The following RYR3 variants were observed in gnomAD, a reference collection of about 807,000 sequenced individuals.
RYR3 encodes brain ryanodine receptor-calcium release channel.
RYR3 carries 207 observed loss-of-function variants against 584.3 expected under a neutral mutation model. That is an observed-to-expected ratio of 0.35 (90% confidence interval 0.32 to 0.40). The LOEUF is 0.40. Among genes scored for constraint, RYR3 ranks in the 10% least tolerant of loss-of-function variants. The probability of loss-of-function intolerance (pLI) is 1.00; values close to 1 mark genes in which losing one functional copy is unlikely to be tolerated. For synonymous variants in RYR3, 2,416 were observed against 2,248.5 expected, an observed-to-expected ratio of 1.07 and a Z score of -2.11; for missense variants, 5,616 against 6,089.2, an observed-to-expected ratio of 0.92 and a Z score of 2.59.
chr15:33,450,989 C>T (rs756985750), intron 1 of RYR3, among the ~76,000 whole-genome samples: 20 of 152,248 alleles, frequency 1.3e-4, no homozygotes, highest in Non-Finnish European at 2.2e-4. Flanking sequence ...CTGGAGACTC[C>T]TTGCAGCACC....
chr15:33,819,798 G>A lies in RYR3; in HGVS notation c.10749G>A (p.Met3583Ile), dbSNP rs745440311. The A allele has an allele frequency of 1.0e-5, 16 of 1,588,668 alleles. No individual in the cohort carries two copies. In the Middle Eastern group the frequency reaches 5.0e-4, roughly 50 times the overall value. Residue 3583 changes from methionine to isoleucine, a missense_variant, in exon 77 of 104, where the codon ATG becomes ATA. Met to Ile is a conservative substitution (Grantham distance 10). This residue lies in a region of RYR3 where 954 missense variants were observed against 1,132.2 expected (regional missense o/e 0.84). Coordinates refer to ENST00000634891, the MANE Select transcript of RYR3 (RefSeq NM_001036.6). Reference protein sequence around the residue: ...DDPLYTSYSSMMAKSCQSGED... With the variant: ...DDPLYTSYSSIMAKSCQSGED... ...CTTTGTACACCTCCTATTCCAGCAT[G>A]ATGGCCAAGGTACACCCAGGTTTTC...
At position 33,652,857 on chromosome 15, in the gene RYR3, G is replaced by A; in HGVS notation, c.4282G>A (p.Gly1428Arg). The change falls in exon 32 of 104, where the codon GGA becomes AGA. Residue 1428 changes from glycine to arginine, a missense_variant. Physicochemically the swap from Gly to Arg is moderately radical, Grantham distance 125. Around this residue, in one of 9 missense-constraint regions of RYR3, gnomAD observed 753 missense variants for 741.0 expected, o/e 1.02. Transcript: ENST00000634891. Reference sequence around the variant, plus strand: ...GGGCATGTTGTCCTTCTCAGCCAATGGAAAGGAACTGGGCACCTGCTACCA... The same window carrying A: ...GGGCATGTTGTCCTTCTCAGCCAATAGAAAGGAACTGGGCACCTGCTACCA... Reference protein sequence around the residue: ...AMGMLSFSANGKELGTCYQVE... With the variant: ...AMGMLSFSANRKELGTCYQVE... 1 of 1,612,904 alleles carries A rather than the reference G, an allele frequency of 6.2e-7. No homozygotes were observed. The highest frequency in any genetic ancestry group is 1.1e-5 in the South Asian group (1 of 90,894).
intron 86 of RYR3, among the ~76,000 whole-genome samples, chr15:33,833,768 G>A (rs1191606484): frequency 6.6e-6 from 1 of 152,178 alleles, no homozygotes; most frequent in East Asian, 1.9e-4. Context: ...CATAAACAGT[G>A]ATTTTTAACA....
intron 57 of RYR3, among the ~76,000 whole-genome samples, chr15:33,754,004 G>C (rs5007830): frequency 0.81 from 122,760 of 152,108 alleles, 49,618 homozygotes; most frequent in Admixed American, 0.85. Flanking sequence ...AATTAGCCAG[G>C]AATGATGGTG....
chr15:33,564,636 A>G (rs934577124), intron 11 of RYR3, among the ~76,000 whole-genome samples: 1 of 152,206 alleles, frequency 6.6e-6, no homozygotes, highest in African/African-American at 2.4e-5. Flanking sequence ...CAGCATTTAA[A>G]GAAAGTGGAA....
intron 2 of RYR3, among the ~76,000 whole-genome samples, chr15:33,498,452 C>T (rs552144914): frequency 2.0e-5 from 3 of 152,166 alleles, no homozygotes; most frequent in East Asian, 3.9e-4. Context: ...TTTCAAATAC[C>T]TATTGCCCAC....
In RYR3 at chr15:33,659,819, C is replaced by G; in HGVS notation, c.4395+13C>G. 2.6e-6 allele frequency: 4 copies of G among 1,550,204 alleles called. No homozygotes were observed. The highest frequency in any genetic ancestry group is 3.6e-6 in the Non-Finnish European group (4 of 1,122,776). Reference sequence around the variant, plus strand: ...TGGAAAGCTGAAGGTATTTATTTGTCCTCTCATCTAATGGCCATGACAAGA... The same window carrying G: ...TGGAAAGCTGAAGGTATTTATTTGTGCTCTCATCTAATGGCCATGACAAGA... On this transcript the variant is annotated intron_variant, in intron 33 of 103. Transcript: ENST00000634891.
In RYR3 at chr15:33,418,324, G is replaced by A. The variant is rs11634277; in HGVS notation, c.52-55095G>A. Among the ~76,000 whole-genome samples, 653 of 149,716 alleles carry A rather than the reference G, an allele frequency of 4.4e-3. 4 individuals are homozygous for A. The highest frequency in any genetic ancestry group is 4.9e-3 in the Non-Finnish European group (330 of 67,562). ...ATCTGGTCCAGGGCTTTTTCTCGTT[G>A]GCAGGTTTTTTTTTTTTATTATTAT... On this transcript the variant is annotated intron_variant, in intron 1 of 103. Coordinates refer to ENST00000634891, the MANE Select transcript of RYR3 (RefSeq NM_001036.6).
At chr15:33,801,321 T>C (rs2163141) in intron 68 of RYR3, among the ~76,000 whole-genome samples, 105,672 of 152,002 alleles carry the variant, frequency 0.7, 37,209 homozygotes, top group East Asian at 0.96. Context: ...AAGTCTCATA[T>C]GTGGCCACCC....
chr15:33,365,961 C>T (rs1975436963), intron 1 of RYR3, among the ~76,000 whole-genome samples: 1 of 151,712 alleles, frequency 6.6e-6, no homozygotes, highest in African/African-American at 2.4e-5. Context: ...TAGTGTTTCA[C>T]ATGTATATCA....
chr15:33,813,598 T>C lies in RYR3; in HGVS notation c.10502+19T>C, dbSNP rs766242036. The stretch of plus-strand genomic sequence containing the variant: ...TGCCCAGGCAAGTATTTTGTCTTTT[T>C]TCCTGGCATGTAAGCCAGCGATGGG... On this transcript the variant is annotated intron_variant, in intron 74 of 103. Coordinates refer to ENST00000634891, the MANE Select transcript of RYR3 (RefSeq NM_001036.6). 1.3e-6 allele frequency: 2 copies of C among 1,596,754 alleles called. No homozygotes were observed. The highest frequency in any genetic ancestry group is 1.7e-6 in the Non-Finnish European group (2 of 1,164,294).
chr15:33,829,797 T>C (rs1487552510), intron 85 of RYR3, among the ~76,000 whole-genome samples: 1 of 151,674 alleles, frequency 6.6e-6, no homozygotes, highest in Admixed American at 6.6e-5. Context: ...AGGTCAAATA[T>C]CAACATTAAC....
intron 2 of RYR3, among the ~76,000 whole-genome samples, chr15:33,494,558 G>A (rs1471675447): frequency 1.3e-5 from 2 of 152,154 alleles, no homozygotes; most frequent in East Asian, 3.8e-4. Flanking sequence ...GAGTCTTTGT[G>A]CTGAAAGTAT....
Position 33,746,079 on chromosome 15 carries a change from A to T in RYR3, c.7911A>T (p.Gly2637=), listed in dbSNP as rs1463859436. The T allele has an allele frequency of 4.4e-6, 7 of 1,595,084 alleles. No homozygotes were observed. The highest frequency in any genetic ancestry group is 1.1e-5 in the South Asian group (1 of 87,138). The change falls in exon 53 of 104, where the codon GGA becomes GGT. Residue 2637 remains glycine, a synonymous_variant. Coordinates refer to ENST00000634891, the MANE Select transcript of RYR3 (RefSeq NM_001036.6). The stretch of plus-strand genomic sequence containing the variant: ...GAACATTTCTACAGAGTCAGAGTGG[A>T]TGGAAATATGGGATTTCCCTGGATG... ...DKWACDKSQS[G]WKYGISLDEN...
chr15:33,333,401 CAAT>C lies in RYR3; in HGVS notation c.51+22308_51+22310del, dbSNP rs556969796. Among the ~76,000 whole-genome samples, 6 of 152,252 alleles carry C rather than the reference CAAT, an allele frequency of 3.9e-5. No homozygotes were observed. The East Asian group carries it at 1.2e-3, about 29-fold the overall frequency. ...ACAAGGTTGGTTTAACAATGCAAAT[CAAT>C]AAATGTGATTCATCACATAAACAGC... On this transcript the variant is annotated intron_variant, in intron 1 of 103. Coordinates refer to ENST00000634891, the MANE Select transcript of RYR3 (RefSeq NM_001036.6).
At chr15:33,789,761 G>T (rs1466455239) in intron 67 of RYR3, among the ~76,000 whole-genome samples, 1 of 122,244 alleles carries the variant, frequency 8.2e-6, no homozygotes, top group Non-Finnish European at 1.6e-5. Context: ...TGCAAGCTCC[G>T]CCTCCTGGGC....
At chr15:33,848,242 C>G in intron 93 of RYR3, 49 bp from the exon 94 acceptor site, 1 of 1,608,422 alleles carries the variant, frequency 6.2e-7, no homozygotes, top group Non-Finnish European at 8.5e-7. Context: ...GGAGCAGGAG[C>G]TTTAATCACA....
chr15:33,755,099 A>G lies in RYR3; in HGVS notation c.8434A>G (p.Met2812Val). 1.2e-6 allele frequency: 2 copies of G among 1,613,304 alleles called. No individual in the cohort carries two copies. The highest frequency in any genetic ancestry group is 1.3e-5 in the African/African-American group (1 of 75,042). Residue 2812 changes from methionine to valine, a missense_variant, in exon 58 of 104, where the codon ATG (methionine) becomes GTG (valine). This residue lies in a region of RYR3 where 1,280 missense variants were observed against 1,426.2 expected (regional missense o/e 0.90). Coordinates refer to ENST00000634891, the MANE Select transcript of RYR3 (RefSeq NM_001036.6). ...MKDMELDASSMEKRFAYKFLK... is the reference protein window; with the variant it reads ...MKDMELDASSVEKRFAYKFLK... The stretch of plus-strand genomic sequence containing the variant: ...GGATATGGAGCTGGATGCCTCCTCC[A>G]TGGAGAAGAGGTTTGCCTATAAGTT...
At chr15:33,729,645 C>T (rs1388945836) in intron 47 of RYR3, among the ~76,000 whole-genome samples, 3 of 152,052 alleles carry the variant, frequency 2.0e-5, no homozygotes, top group Non-Finnish European at 4.4e-5. Context: ...CATCAACAAA[C>T]ATCAAGAGAG....
Sources: allele counts gnomAD v4.1 joint callset (sites outside exome capture counted in the v4.1 genomes callset), GRCh38; gene constraint gnomAD v4.1.1; regional missense constraint gnomAD v4.1.1; transcripts MANE v1.5; gene names NCBI Gene and HGNC (gene_info 2026-07-23, HGNC 2026-07-21).